CEP128: variants seen among roughly 807,000 people sequenced by gnomAD.
CEP128 encodes the protein centrosomal protein 128.
CEP128 carries 132 observed loss-of-function variants against 156.7 expected under a neutral mutation model. The observed-to-expected ratio is 0.84, with a 90% confidence interval of 0.73 to 0.97. CEP128 has a LOEUF of 0.97. Ranked by LOEUF, CEP128 falls within the 50% of genes least tolerant of loss-of-function variation. The probability of loss-of-function intolerance (pLI) is 0.00; values close to 1 mark genes in which losing one functional copy is unlikely to be tolerated. For synonymous variants in CEP128, 469 were observed against 448.9 expected, an observed-to-expected ratio of 1.04 and a Z score of -0.57; for missense variants, 1,252 against 1,281.9, an observed-to-expected ratio of 0.98 and a Z score of 0.36.
intron 19 of CEP128, among the ~76,000 whole-genome samples, chr14:80,626,731 T>C (rs1893746137): frequency 6.6e-6 from 1 of 151,940 alleles, no homozygotes; most frequent in African/African-American, 2.4e-5. Flanking sequence ...TTCAAGAAAA[T>C]AAACCTAGAC....
At chr14:80,934,441 G>A (rs1222469068) in intron 2 of CEP128, among the ~76,000 whole-genome samples, 1 of 152,154 alleles carries the variant, frequency 6.6e-6, no homozygotes, top group Non-Finnish European at 1.5e-5. Context: ...AACATCAGAG[G>A]TACAAACGCG....
chr14:80,592,208 G>C (rs1170419928), intron 19 of CEP128, among the ~76,000 whole-genome samples: 1 of 152,166 alleles, frequency 6.6e-6, no homozygotes, highest in Non-Finnish European at 1.5e-5. Context: ...AAAAATCAAT[G>C]AATCCAGGAG....
At chr14:80,526,629 G>C (rs1888984915) in intron 23 of CEP128, 2 of 312,506 alleles carry the variant, frequency 6.4e-6, no homozygotes, top group Non-Finnish European at 1.2e-5. Flanking sequence ...CCGTAAACAA[G>C]TAACATATCA....
chr14:80,789,874 G>A (rs1382961641), intron 14 of CEP128, among the ~76,000 whole-genome samples: 1 of 150,280 alleles, frequency 6.7e-6, no homozygotes, highest in Admixed American at 6.6e-5. Flanking sequence ...TTTTTTTGTT[G>A]TTGTTTTGTT....
At chr14:80,918,108 C>T (rs546238426) in intron 2 of CEP128, among the ~76,000 whole-genome samples, 12 of 152,216 alleles carry the variant, frequency 7.9e-5, no homozygotes, top group Non-Finnish European at 1.3e-4. Flanking sequence ...GATGTCACTC[C>T]CTCCCACCAT....
chr14:80,880,968 T>C (rs73342192), intron 8 of CEP128, among the ~76,000 whole-genome samples: 12,348 of 147,170 alleles, frequency 0.084, 600 homozygotes, highest in African/African-American at 0.12. Context: ...TACACAATTA[T>C]GTAACTGAAA....
intron 3 of CEP128, among the ~76,000 whole-genome samples, chr14:80,915,554 C>G (rs1157176356): frequency 6.6e-6 from 1 of 152,010 alleles, no homozygotes; most frequent in Non-Finnish European, 1.5e-5. Flanking sequence ...TTACACTTAC[C>G]CCACCTCTTT....
At chr14:80,656,619 A>T (rs1008395305) in intron 19 of CEP128, among the ~76,000 whole-genome samples, 1 of 152,016 alleles carries the variant, frequency 6.6e-6, no homozygotes, top group Non-Finnish European at 1.5e-5. Context: ...AGAATATTAA[A>T]TTTAGCTCTA....
chr14:80,675,594 A>C (rs1183561380), intron 19 of CEP128, among the ~76,000 whole-genome samples: 1 of 151,902 alleles, frequency 6.6e-6, no homozygotes, highest in Non-Finnish European at 1.5e-5. Context: ...TTTTGATTGA[A>C]TTTTCATCTT....
exon 15 of CEP128, chr14:80,477,048 T>C (rs1275052261): frequency 6.6e-6 from 1 of 152,214 alleles, no homozygotes; most frequent in Non-Finnish European, 1.5e-5. Context: ...AGGCACATTG[T>C]TGGCATTCCT....
In CEP128 at chr14:80,695,870, CA is replaced by C. The variant is rs1054316054; in HGVS notation, c.2806+47204del. ...ATATATAACATTACCTCTTATGCTTCAAAAAAATTTTTTTTGAAATAATTTT... is the reference window on the plus strand; with the variant it reads ...ATATATAACATTACCTCTTATGCTTCAAAAAATTTTTTTTGAAATAATTTT... On this transcript the variant is annotated intron_variant, in intron 19 of 24. Transcript: ENST00000555265. 8.5e-5 allele frequency among the ~76,000 whole-genome samples: 13 copies of C among 152,238 alleles called. No homozygotes were observed. The South Asian group carries it at 1.7e-3, about 19-fold the overall frequency.
At chr14:80,722,857 T>C (rs930147252) in intron 19 of CEP128, among the ~76,000 whole-genome samples, 7 of 144,766 alleles carry the variant, frequency 4.8e-5, no homozygotes, top group African/African-American at 1.6e-4. Flanking sequence ...ACGGGAGTCT[T>C]GCTCTGTCGC....
intron 19 of CEP128, among the ~76,000 whole-genome samples, chr14:80,722,542 T>C (rs1897858007): frequency 6.6e-6 from 1 of 151,366 alleles, no homozygotes; most frequent in South Asian, 2.1e-4. Context: ...ATAATATATA[T>C]ATAAATGTAA....
At chr14:80,708,717 G>A (rs1897304261) in intron 19 of CEP128, among the ~76,000 whole-genome samples, 1 of 152,136 alleles carries the variant, frequency 6.6e-6, no homozygotes, top group South Asian at 2.1e-4. Flanking sequence ...TAGTAGTCAT[G>A]TAAATTTAAT....
chr14:80,877,109 T>G (rs2139293184), intron 8 of CEP128, among the ~76,000 whole-genome samples: 1 of 152,298 alleles, frequency 6.6e-6, no homozygotes, highest in African/African-American at 2.4e-5. Context: ...AAGAATTAAT[T>G]TATATTAGTT....
At chr14:80,927,338 A>C (rs1594855851) in intron 2 of CEP128, among the ~76,000 whole-genome samples, 2 of 152,208 alleles carry the variant, frequency 1.3e-5, no homozygotes, top group South Asian at 4.1e-4. Context: ...CCTGGTGCTC[A>C]TGAAGGATCT....
intron 21 of CEP128, among the ~76,000 whole-genome samples, chr14:80,544,537 CTCA>C (rs1350929956): frequency 2.0e-4 from 30 of 152,296 alleles, no homozygotes; most frequent in Middle Eastern, 6.8e-3. Context: ...AGGCTCCAAC[CTCA>C]TGACCTCATG....
intron 19 of CEP128, among the ~76,000 whole-genome samples, chr14:80,598,008 G>T (rs947474632): frequency 7.7e-5 from 9 of 117,494 alleles, no homozygotes; most frequent in Non-Finnish European, 1.4e-4. Context: ...AATGGTGAAA[G>T]ACTGAAATGT....
At chr14:80,892,624 G>A (rs1889155024) in intron 8 of CEP128, among the ~76,000 whole-genome samples, 1 of 151,876 alleles carries the variant, frequency 6.6e-6, no homozygotes, top group Admixed American at 6.6e-5. Context: ...CCTACAAATT[G>A]AGAAAAATAT....
Sources: gnomAD v4.1 joint callset for allele counts (sites outside exome capture counted in the v4.1 genomes callset) on GRCh38, gnomAD v4.1.1 for gene constraint, MANE v1.5 for transcripts, NCBI Gene and HGNC (gene_info 2026-07-23, HGNC 2026-07-21) for gene names.